Variants in NDUFB5 observed in about 807,000 individuals in gnomAD.
NDUFB5 encodes NADH dehydrogenase [ubiquinone] 1 beta subcomplex subunit 5, mitochondrial.
NDUFB5 carries 19 observed loss-of-function variants against 19.4 expected under a neutral mutation model. That is an observed-to-expected ratio of 0.98 (90% CI 0.68 to 1.43). The LOEUF (loss-of-function observed/expected upper bound fraction) is 1.43. Among genes scored for constraint, NDUFB5 ranks in the 40% most tolerant of loss-of-function variants. The pLI, the probability that NDUFB5 is intolerant of heterozygous loss-of-function variation, is 0.00. For synonymous variants in NDUFB5, 80 were observed against 82.6 expected, an observed-to-expected ratio of 0.97 and a Z score of 0.17; for missense variants, 233 against 236.5, an observed-to-expected ratio of 0.99 and a Z score of 0.10.
chr3:179,618,648 T>C (rs1719447092), intron 5 of NDUFB5, 127 bp downstream of exon 5: 2 of 661,456 alleles, frequency 3.0e-6, no homozygotes, highest in South Asian at 3.5e-5. Context: ...TAAAGATACG[T>C]CCAGATGCAG....
chr3:179,605,904 G>T (rs1719082420), intron 1 of NDUFB5, among the ~76,000 whole-genome samples: 1 of 150,800 alleles, frequency 6.6e-6, no homozygotes, highest in African/African-American at 2.4e-5. Flanking sequence ...CGATTCTCCC[G>T]CCTCAGCCTC....
In NDUFB5 at chr3:179,616,024, C is replaced by T; in HGVS notation, c.255C>T (p.Phe85=). ...IALTGIPVAI[F]ITLVNVFIGQ... ...TGACTGGGATTCCAGTAGCAATTTT[C>T]ATAACTCTGGTGAATGTATTCATTG... The change falls in exon 3 of 6, where the codon TTC becomes TTT. Residue 85 remains phenylalanine (F), a synonymous_variant. Transcript: ENST00000259037. The T allele has an allele frequency of 6.2e-7, 1 of 1,613,472 alleles. No homozygotes were observed. The highest frequency in any genetic ancestry group is 8.5e-7 in the Non-Finnish European group (1 of 1,179,762).
chr3:179,605,310 A>G (rs1719054784), intron 1 of NDUFB5, among the ~76,000 whole-genome samples: 1 of 152,192 alleles, frequency 6.6e-6, no homozygotes, highest in African/African-American at 2.4e-5. Context: ...TCTTGCCGAG[A>G]AGCCCACCTA....
chr3:179,615,488 C>A, intron 2 of NDUFB5: 1 of 419,422 alleles, frequency 2.4e-6, no homozygotes, highest in Non-Finnish European at 4.9e-6. Flanking sequence ...ATCTATAGTG[C>A]AATCTTAATT....
At chr3:179,607,081 C>T (rs73883571) in intron 1 of NDUFB5, among the ~76,000 whole-genome samples, 12,204 of 152,196 alleles carry the variant, frequency 0.08, 544 homozygotes, top group South Asian at 0.17. Context: ...AAAATTTCAC[C>T]CCCAGTTTCT....
chr3:179,616,540 C>A (rs1330857304), intron 3 of NDUFB5, among the ~76,000 whole-genome samples: 3 of 150,374 alleles, frequency 2.0e-5, no homozygotes, highest in African/African-American at 4.9e-5. Context: ...AGACTCTGTC[C>A]CCCCCCCAAA....
chr3:179,616,861 G>A, intron 3 of NDUFB5, 122 bp from the exon 4 acceptor site: 1 of 680,098 alleles, frequency 1.5e-6, no homozygotes. Flanking sequence ...TATCTTCATT[G>A]GTACAAATTT....
At chr3:179,615,186 A>T (rs1430997242) in intron 2 of NDUFB5, 127 bp downstream of exon 2, 1 of 500,338 alleles carries the variant, frequency 2.0e-6, no homozygotes, top group African/African-American at 1.9e-5. Flanking sequence ...CTTTCTGTAG[A>T]AGATACTGAG....
chr3:179,616,537 G>A (rs1395294030), intron 3 of NDUFB5, among the ~76,000 whole-genome samples: 1 of 151,682 alleles, frequency 6.6e-6, no homozygotes, highest in African/African-American at 2.4e-5. Flanking sequence ...GTGAGACTCT[G>A]TCCCCCCCCC....
At chr3:179,616,687 A>G (rs1270551742) in intron 3 of NDUFB5, among the ~76,000 whole-genome samples, 3 of 152,256 alleles carry the variant, frequency 2.0e-5, no homozygotes. Context: ...AGGGAAGACC[A>G]GAAGGAATAA....
intron 1 of NDUFB5, among the ~76,000 whole-genome samples, chr3:179,613,868 GA>G (rs1225174045): frequency 1.3e-5 from 2 of 152,120 alleles, no homozygotes; most frequent in African/African-American, 4.8e-5. Flanking sequence ...TCAACAGTAG[GA>G]AAGATCTCGT....
chr3:179,626,856 G>A lies in NDUFB5; in HGVS notation c.*2816G>A. ...TGTCCATTTTTTAATCAGGTTATGG[G>A]TTTTTTGCTATTGAATTGTTTGAGT... On this transcript the variant is annotated 3_prime_UTR_variant, in exon 6 of 6. Coordinates refer to ENST00000259037, the MANE Select transcript of NDUFB5 (RefSeq NM_002492.4). 1 of 152,206 alleles carries A rather than the reference G, an allele frequency of 6.6e-6. No individual in the cohort carries two copies. The highest frequency in any genetic ancestry group is 1.9e-4 in the East Asian group (1 of 5,178). 9.4% of individuals were successfully genotyped at this position (152,206 alleles called of 1,614,324 possible). A position where few individuals can be genotyped will look rare whatever the true frequency, so the allele number is the denominator to read the frequency against.
At chr3:179,623,400 C>T (rs367943619) in intron 5 of NDUFB5, among the ~76,000 whole-genome samples, 1 of 152,164 alleles carries the variant, frequency 6.6e-6, no homozygotes, top group Non-Finnish European at 1.5e-5. Context: ...AGGCCGGGTG[C>T]GGTGGCTCAC....
intron 3 of NDUFB5, 102 bp from the exon 4 acceptor site, chr3:179,616,881 T>A: frequency 1.2e-6 from 1 of 813,116 alleles, no homozygotes; most frequent in Non-Finnish European, 2.0e-6. Context: ...TTTTAAAGAA[T>A]CCTTTAAAAC....
At chr3:179,622,432 A>G (rs549596691) in intron 5 of NDUFB5, among the ~76,000 whole-genome samples, 38 of 152,224 alleles carry the variant, frequency 2.5e-4, no homozygotes, top group African/African-American at 8.9e-4. Context: ...CAGACGTGCC[A>G]CTGCTCCCAG....
chr3:179,609,086 G>A (rs1315992213), intron 1 of NDUFB5, among the ~76,000 whole-genome samples: 6 of 152,330 alleles, frequency 3.9e-5, no homozygotes, highest in African/African-American at 1.4e-4. Context: ...CCTGCTGTAT[G>A]TGGTTTCACT....
At chr3:179,615,132 C>T (rs923145320) in intron 2 of NDUFB5, 73 bp downstream of exon 2, 3 of 741,696 alleles carry the variant, frequency 4.0e-6, no homozygotes, top group Admixed American at 2.4e-5. Flanking sequence ...CTTTAGAAAA[C>T]ATCTTTCATT....
At chr3:179,615,906 A>G in intron 2 of NDUFB5, 77 bp from the exon 3 acceptor site, 1 of 1,106,188 alleles carries the variant, frequency 9.0e-7, no homozygotes, top group East Asian at 2.4e-5. Context: ...AATATGAGGA[A>G]ATCATATCAT....
intron 1 of NDUFB5, among the ~76,000 whole-genome samples, chr3:179,611,033 C>T (rs1005231984): frequency 4.6e-5 from 7 of 151,622 alleles, no homozygotes; most frequent in Admixed American, 1.3e-4. Flanking sequence ...GGTAGGTAGG[C>T]GTTGGGAGAA....
Sources: gnomAD v4.1 joint callset for allele counts (sites outside exome capture counted in the v4.1 genomes callset) on GRCh38, gnomAD v4.1.1 for gene constraint, MANE v1.5 for transcripts, NCBI Gene and HGNC (gene_info 2026-07-23, HGNC 2026-07-21) for gene names.